Variants in ZC3H18 observed in about 807,000 individuals in gnomAD.
ZC3H18 encodes the protein zinc finger CCCH domain-containing protein 18.
A neutral mutation model predicts 106.1 loss-of-function variants in ZC3H18; 8 were observed. The ratio of observed to expected loss-of-function variants is 0.08; its 90% CI spans 0.04 to 0.14. The LOEUF is 0.14. Ranked by LOEUF, ZC3H18 falls within the 10% of genes least tolerant of loss-of-function variation. ZC3H18 has a pLI of 1.00. For synonymous variants in ZC3H18, 635 were observed against 522.1 expected (o/e 1.22, Z -2.95); for missense variants, 1,318 against 1,278.4 (o/e 1.03, Z -0.47).
At chr16:88,613,193 G>A (rs572849696) in intron 8 of ZC3H18, among the ~76,000 whole-genome samples, 5 of 152,294 alleles carry the variant, frequency 3.3e-5, no homozygotes, top group South Asian at 4.1e-4. Context: ...ATTTGTCCAC[G>A]TTGTAGCGTG....
At chr16:88,576,171 G>A (rs947985005) in intron 1 of ZC3H18, among the ~76,000 whole-genome samples, 1 of 151,756 alleles carries the variant, frequency 6.6e-6, no homozygotes, top group Non-Finnish European at 1.5e-5. Context: ...AAAGTGCTGG[G>A]ATTACAGGTG....
Position 88,622,287 on chromosome 16 carries a change from C to G in ZC3H18, c.1566C>G (p.Ser522=). The change falls in exon 9 of 18, where the codon TCC becomes TCG. Residue 522 remains serine, a synonymous_variant. Coordinates refer to ENST00000301011, the MANE Select transcript of ZC3H18 (RefSeq NM_144604.4). ...ADEWKDPWRR[S]KSPKKKLGVS... Reference sequence around the variant, plus strand: ...AGTGGAAGGACCCTTGGCGCCGATCCAAGTCTCCCAAGAAGAAACTCGGGG... The same window carrying G: ...AGTGGAAGGACCCTTGGCGCCGATCGAAGTCTCCCAAGAAGAAACTCGGGG... 2 of 1,614,136 alleles carry G rather than the reference C, an allele frequency of 1.2e-6. No homozygotes were observed. Among genetic ancestry groups the G allele is most frequent in the East Asian group, 2.2e-5 (1 of 44,886 alleles).
At chr16:88,628,882 G>A (rs759689796) in intron 16 of ZC3H18, 28 bp downstream of exon 16, 4 of 1,612,894 alleles carry the variant, frequency 2.5e-6, no homozygotes, top group Admixed American at 3.3e-5. Flanking sequence ...TAGGGGGCAG[G>A]GCAGAGGGAC....
At chr16:88,630,264 C>G (rs1437053814) in intron 16 of ZC3H18, 1 of 510,988 alleles carries the variant, frequency 2.0e-6, no homozygotes, top group Admixed American at 3.6e-5. Flanking sequence ...CTTGCTGGAA[C>G]CTGGGGCCCA....
intron 2 of ZC3H18, 31 bp from the exon 3 acceptor site, chr16:88,586,569 C>T: frequency 1.9e-6 from 3 of 1,588,940 alleles, no homozygotes; most frequent in Non-Finnish European, 1.7e-6. Context: ...TAGATGCCTC[C>T]CCCACGCTAA....
At chr16:88,603,431 G>C (rs1469791393) in intron 6 of ZC3H18, among the ~76,000 whole-genome samples, 1 of 151,326 alleles carries the variant, frequency 6.6e-6, no homozygotes, top group Admixed American at 6.6e-5. Flanking sequence ...GACCAGGCTG[G>C]GCAACACGGT....
Position 88,631,929 on chromosome 16 carries a change from T to G in ZC3H18, c.*630T>G, listed in dbSNP as rs923384735. On this transcript the variant is annotated 3_prime_UTR_variant, in exon 18 of 18. Transcript: ENST00000301011. The stretch of plus-strand genomic sequence containing the variant: ...CTGTCTAATGTGGTGGGTCTTTTTT[T>G]GAGGGGTCTCCTAAAATAAAATATT... 3.9e-6 allele frequency: 1 copy of G among 253,758 alleles called. No homozygotes were observed. The highest frequency in any genetic ancestry group is 7.8e-6 in the Non-Finnish European group (1 of 128,648). The allele number at this position is 253,758 out of a possible 1,614,324, so 15.7% of individuals were successfully genotyped here.
intron 3 of ZC3H18, among the ~76,000 whole-genome samples, chr16:88,590,539 T>G (rs1458927523): frequency 1.3e-5 from 2 of 148,956 alleles, no homozygotes; most frequent in South Asian, 4.3e-4. Context: ...CTTTAAACTG[T>G]GTCCCACTTT....
Position 88,627,850 on chromosome 16 carries a change from T to C in ZC3H18, c.2269+68T>C. On this transcript the variant is annotated intron_variant, in intron 14 of 17. Transcript: ENST00000301011. The surrounding 1 kb of genome is among the most constrained non-coding windows in gnomAD (Gnocchi z 4.5). Reference sequence around the variant, plus strand: ...GAGGAGGGCGGCATCAGCACAGACTTTGCCTGGCTGTTGGTGTGGCCATGG... The same window carrying C: ...GAGGAGGGCGGCATCAGCACAGACTCTGCCTGGCTGTTGGTGTGGCCATGG... 5 of 1,612,362 alleles carry C rather than the reference T, an allele frequency of 3.1e-6. No individual in the cohort carries two copies. The highest frequency in any genetic ancestry group is 4.2e-6 in the Non-Finnish European group (5 of 1,179,128).
chr16:88,628,568 A>G, intron 15 of ZC3H18, 190 bp from the exon 16 acceptor site: 1 of 612,206 alleles, frequency 1.6e-6, no homozygotes, highest in South Asian at 1.9e-5. Context: ...GAAGGGCCCC[A>G]AGTGCACAGT....
At chr16:88,591,300 C>T (rs907746239) in intron 3 of ZC3H18, among the ~76,000 whole-genome samples, 1 of 148,290 alleles carries the variant, frequency 6.7e-6, no homozygotes, top group African/African-American at 2.5e-5. Flanking sequence ...ATAATAGGTG[C>T]GGTGGCTGAT....
At position 88,623,311 on chromosome 16, in the gene ZC3H18, C is replaced by G; in HGVS notation, c.1760C>G (p.Ser587Cys). 2 of 1,613,852 alleles carry G rather than the reference C, an allele frequency of 1.2e-6. No homozygotes were observed. The highest frequency in any genetic ancestry group is 3.3e-5 in the Admixed American group (2 of 60,022). ...TACAGCTCCTACTCCAGCCGCTCTT[C>G]CAGACACAGCTCGTTCTCAGGAAGC... is the stretch of plus-strand genomic sequence containing the variant. ...SSYSSYSSRSSRHSSFSGSRS... is the reference protein window; with the variant it reads ...SSYSSYSSRSCRHSSFSGSRS... The change falls in exon 10 of 18, where the codon TCC (serine) becomes TGC (cysteine). Residue 587 changes from serine to cysteine, a missense_variant. By Grantham distance (112) the Ser-to-Cys change is moderately radical. Around this residue, in one of 6 missense-constraint regions of ZC3H18, gnomAD observed 848 missense variants for 821.7 expected, o/e 1.03. Coordinates refer to ENST00000301011, the MANE Select transcript of ZC3H18 (RefSeq NM_144604.4).
At chr16:88,589,349 A>C (rs146061600) in intron 3 of ZC3H18, among the ~76,000 whole-genome samples, 15 of 152,360 alleles carry the variant, frequency 9.8e-5, no homozygotes, top group African/African-American at 3.4e-4. Flanking sequence ...CATTTATGTG[A>C]AAGCTTGTGC....
Position 88,608,864 on chromosome 16 carries a change from A to G in ZC3H18, c.1089-70A>G, listed in dbSNP as rs113123026. ...CACGGTCTGTTACTTTCTGTCCCTAATGTTTCGTGTGGTCTTTTTACGCCA... is the reference window on the plus strand; with the variant it reads ...CACGGTCTGTTACTTTCTGTCCCTAGTGTTTCGTGTGGTCTTTTTACGCCA... On this transcript the variant is annotated intron_variant, in intron 6 of 17. Coordinates refer to ENST00000301011, the MANE Select transcript of ZC3H18 (RefSeq NM_144604.4). 7.4e-3 allele frequency: 9,552 copies of G among 1,293,646 alleles called. 258 individuals are homozygous for G. The African/African-American group carries it at 0.084, about 11-fold the overall frequency. 80.1% of individuals were successfully genotyped at this position (1,293,646 alleles called of 1,614,324 possible).
intron 12 of ZC3H18, 33 bp from the exon 13 acceptor site, chr16:88,625,169 G>A (rs779682325): frequency 1.4e-5 from 22 of 1,557,430 alleles, no homozygotes; most frequent in East Asian, 2.4e-5. Context: ...TGGAGGCCAC[G>A]CCCCCTGAGC....
At chr16:88,604,583 G>A (rs1904918723) in intron 6 of ZC3H18, among the ~76,000 whole-genome samples, 1 of 151,746 alleles carries the variant, frequency 6.6e-6, no homozygotes, top group Non-Finnish European at 1.5e-5. Context: ...CTACTCGGGA[G>A]GCTGAGGCAG....
At chr16:88,630,246 A>G (rs917991448) in intron 16 of ZC3H18, 14 of 512,434 alleles carry the variant, frequency 2.7e-5, no homozygotes, top group Non-Finnish European at 4.9e-5. Context: ...TGCGTGAGAT[A>G]TTGGCTGCTT....
At chr16:88,586,510 A>G in intron 2 of ZC3H18, 90 bp from the exon 3 acceptor site, 1 of 1,055,156 alleles carries the variant, frequency 9.5e-7, no homozygotes, top group Non-Finnish European at 1.5e-6. Context: ...TCCAGGTTCC[A>G]CACGCAGCTT....
rs757180860 is a variant in ZC3H18, at chr16:88,580,214, GTA to G, written c.603+2492_603+2493del. Reference sequence around the variant, plus strand: ...TGTGTGTGTGTGTGTGTGTGTATATGTATATGTCTCTGCCTGCTGCTTCCCCT... The same window carrying G: ...TGTGTGTGTGTGTGTGTGTGTATATGTATGTCTCTGCCTGCTGCTTCCCCT... On this transcript the variant is annotated intron_variant, in intron 2 of 17. Transcript: ENST00000301011. Among the ~76,000 whole-genome samples, 49 of 95,084 alleles carry G rather than the reference GTA, an allele frequency of 5.2e-4. 1 individual carries two copies. The highest frequency in any genetic ancestry group is 1.2e-3 in the African/African-American group (35 of 29,058). 62.4% of individuals were successfully genotyped at this position (95,084 alleles called of 152,430 possible).
Sources: allele counts gnomAD v4.1 joint callset (sites outside exome capture counted in the v4.1 genomes callset), GRCh38; gene constraint gnomAD v4.1.1; regional missense constraint gnomAD v4.1.1; non-coding constraint Gnocchi (gnomAD v3.1); transcripts MANE v1.5; gene names NCBI Gene and HGNC (gene_info 2026-07-23, HGNC 2026-07-21).